DPP6: variants seen among roughly 807,000 people sequenced by gnomAD.
The protein encoded by DPP6 is A-type potassium channel modulatory protein DPP6.
A neutral mutation model predicts 122.6 loss-of-function variants in DPP6; 69 were observed. The observed-to-expected ratio is 0.56, with a 90% CI of 0.46 to 0.69. The LOEUF (loss-of-function observed/expected upper bound fraction) is 0.69. DPP6 is among the 30% of genes least tolerant of loss of function. The pLI is 0.00. For missense variants in DPP6, 928 were observed against 1,116.9 expected, an observed-to-expected ratio of 0.83 and a Z score of 2.41; for synonymous variants, 418 against 433.1, an observed-to-expected ratio of 0.97 and a Z score of 0.43.
chr7:154,699,920 CA>C (rs1331845668), intron 7 of DPP6, among the ~76,000 whole-genome samples: 1 of 152,206 alleles, frequency 6.6e-6, no homozygotes, highest in Non-Finnish European at 1.5e-5. Context: ...TGGAGTCGGA[CA>C]GCCTGGGTCC....
intron 1 of DPP6, among the ~76,000 whole-genome samples, chr7:154,013,460 T>TTTC (rs201975772): frequency 0.052 from 7,121 of 135,784 alleles, 407 homozygotes; most frequent in African/African-American, 0.18. Context: ...TTTCTTTTCT[T>TTTC]TTTTTTTTTT....
rs904612225 is a variant in DPP6, at chr7:154,608,635, C to A, written c.628-29186C>A. Among the ~76,000 whole-genome samples the A allele has an allele frequency of 2.0e-5, 3 of 151,882 alleles. No homozygotes were observed. The South Asian group carries it at 6.2e-4, about 32-fold the overall frequency. ...TACAGGCTGAGCCACTGCGCCCGGC[C>A]GATCATATGTTCTTTGTTGCTGTTT... On this transcript the variant is annotated intron_variant, in intron 5 of 25. Transcript: ENST00000377770.
intron 8 of DPP6, among the ~76,000 whole-genome samples, chr7:154,744,400 A>G (rs1842945518): frequency 6.6e-6 from 1 of 152,252 alleles, no homozygotes; most frequent in South Asian, 2.1e-4. Context: ...AGGAACGGGA[A>G]GGGACACTGC....
the DPP6 span, among the ~76,000 whole-genome samples, chr7:153,791,939 G>A: frequency 0.062 from 9,368 of 152,276 alleles, 313 homozygotes; most frequent in Middle Eastern, 0.12. Context: ...GGCAGACTGA[G>A]GATCTGTTTA....
intron 6 of DPP6, among the ~76,000 whole-genome samples, chr7:154,656,070 A>AGAGAAGAG (rs1837218985): frequency 6.6e-6 from 1 of 151,572 alleles, no homozygotes; most frequent in Non-Finnish European, 1.5e-5. Context: ...GTGACAGAGA[A>AGAGAAGAG]GGGTGTGGAG....
At chr7:154,434,956 C>T (rs1563665876) in intron 1 of DPP6, among the ~76,000 whole-genome samples, 2 of 152,264 alleles carry the variant, frequency 1.3e-5, no homozygotes, top group South Asian at 4.1e-4. Flanking sequence ...CCTGCCTCAG[C>T]CTCCCAAGTA....
intron 2 of DPP6, among the ~76,000 whole-genome samples, chr7:154,448,114 CAG>C (rs1820044408): frequency 6.6e-6 from 1 of 151,956 alleles, no homozygotes; most frequent in Non-Finnish European, 1.5e-5. Context: ...CAAGGACAAC[CAG>C]ATAGGAAAGA....
Position 154,282,879 on chromosome 7 carries a change from G to C in DPP6, c.244-163335G>C, listed in dbSNP as rs967401575. 2.0e-5 allele frequency among the ~76,000 whole-genome samples: 3 copies of C among 152,168 alleles called. No individual in the cohort carries two copies. The highest frequency in any genetic ancestry group is 2.9e-5 in the Non-Finnish European group (2 of 68,032). On this transcript the variant is annotated intron_variant, in intron 1 of 25. Coordinates refer to ENST00000377770, the MANE Select transcript of DPP6 (RefSeq NM_130797.4). The surrounding 1 kb of genome is among the most constrained non-coding windows in gnomAD (Gnocchi z 4.8). ...ATTGCCACTCTTTGGAGCCACATCT[G>C]AATGCCAGAAGTTCCCTTGACATCC...
chr7:154,633,483 GCCTCAGCC>G (rs1835532172), intron 5 of DPP6, among the ~76,000 whole-genome samples: 1 of 152,112 alleles, frequency 6.6e-6, no homozygotes, highest in Non-Finnish European at 1.5e-5. Context: ...TGATCCACCC[GCCTCAGCC>G]TCCCAAAGTG....
At chr7:154,660,100 T>A (rs1054851158) in intron 6 of DPP6, among the ~76,000 whole-genome samples, 2 of 152,180 alleles carry the variant, frequency 1.3e-5, no homozygotes, top group Non-Finnish European at 2.9e-5. Flanking sequence ...CATCTTAGCT[T>A]ATGGAAGAAG....
At chr7:154,712,551 C>A (rs1841250565) in intron 7 of DPP6, among the ~76,000 whole-genome samples, 1 of 152,154 alleles carries the variant, frequency 6.6e-6, no homozygotes, top group Non-Finnish European at 1.5e-5. Context: ...TTCAGTTCTG[C>A]ATGGCTGGGG....
intron 1 of DPP6, among the ~76,000 whole-genome samples, chr7:153,990,948 T>G (rs1585142377): frequency 6.6e-6 from 1 of 152,260 alleles, no homozygotes; most frequent in Non-Finnish European, 1.5e-5. Flanking sequence ...CAAGGTTGTT[T>G]CTGGATCCCC....
intron 17 of DPP6, among the ~76,000 whole-genome samples, chr7:154,862,800 C>T (rs1436115897): frequency 6.6e-6 from 1 of 152,186 alleles, no homozygotes; most frequent in Admixed American, 6.5e-5. Flanking sequence ...CTACTGGGAC[C>T]CTGCCCTCAA....
At chr7:153,958,393 A>T (rs181645961) in intron 1 of DPP6, among the ~76,000 whole-genome samples, 1 of 152,130 alleles carries the variant, frequency 6.6e-6, no homozygotes, top group African/African-American at 2.4e-5. Context: ...CCCATGCAGG[A>T]GCTGTTGCGG....
intron 1 of DPP6, among the ~76,000 whole-genome samples, chr7:154,225,367 A>G (rs1346896034): frequency 2.0e-5 from 3 of 152,104 alleles, no homozygotes; most frequent in Non-Finnish European, 2.9e-5. Context: ...AAAATAGAAT[A>G]TATATCTATA....
At chr7:153,778,113 A>G in the DPP6 span, among the ~76,000 whole-genome samples, 1 of 150,170 alleles carries the variant, frequency 6.7e-6, no homozygotes, top group Admixed American at 6.6e-5. Context: ...TAATAAGGTT[A>G]TATGTTAGCA....
chr7:154,756,789 G>C (rs1843697557), intron 8 of DPP6, among the ~76,000 whole-genome samples: 1 of 152,124 alleles, frequency 6.6e-6, no homozygotes, highest in Non-Finnish European at 1.5e-5. Context: ...CAGCTCGCGA[G>C]ATATTCCTAG....
chr7:154,755,928 A>G lies in DPP6; in HGVS notation c.884-13489A>G, dbSNP rs1250656990. On this transcript the variant is annotated intron_variant, in intron 8 of 25. Coordinates refer to ENST00000377770, the MANE Select transcript of DPP6 (RefSeq NM_130797.4). This position sits in a 1 kb window ranked among gnomAD's most constrained non-coding sequence, Gnocchi z 4.7. ...CCACGTCTTTTTATTATGAAAAGGAAGAGTGGCGAGGACTTGAGTGGGACT... is the reference window on the plus strand; with the variant it reads ...CCACGTCTTTTTATTATGAAAAGGAGGAGTGGCGAGGACTTGAGTGGGACT... Among the ~76,000 whole-genome samples, 4 of 152,182 alleles carry G rather than the reference A, an allele frequency of 2.6e-5. No homozygotes were observed. In the South Asian group the frequency reaches 8.3e-4, roughly 32 times the overall value.
chr7:154,749,306 A>T (rs1451234482), intron 8 of DPP6, among the ~76,000 whole-genome samples: 3 of 139,756 alleles, frequency 2.1e-5, no homozygotes, highest in Admixed American at 7.1e-5. Context: ...GGCTTTACTG[A>T]GAGAGTGTGA....
Sources: gnomAD v4.1 joint callset for allele counts (sites outside exome capture counted in the v4.1 genomes callset) on GRCh38, gnomAD v4.1.1 for gene constraint, Gnocchi (gnomAD v3.1) non-coding constraint, MANE v1.5 for transcripts, NCBI Gene and HGNC (gene_info 2026-07-23, HGNC 2026-07-21) for gene names.